MFSD8: variants seen among roughly 807,000 people sequenced by gnomAD.
The protein encoded by MFSD8 is major facilitator superfamily domain containing 8, also known as major facilitator superfamily domain-containing protein 8.
In MFSD8, 55 loss-of-function variants were observed where a neutral mutation model predicts 66.4. The observed-to-expected ratio is 0.83, with a 90% CI of 0.67 to 1.04. The LOEUF is 1.04. MFSD8 is among the 50% of genes least tolerant of loss of function. MFSD8 has a pLI of 0.00. For missense variants in MFSD8, 550 were observed against 627.6 expected (o/e 0.88, Z 1.32); for synonymous variants, 202 against 212.8 (o/e 0.95, Z 0.44).
intron 5 of MFSD8, among the ~76,000 whole-genome samples, chr4:127,941,334 C>T (rs903589824): frequency 6.6e-6 from 1 of 152,084 alleles, no homozygotes; most frequent in African/African-American, 2.4e-5. Flanking sequence ...TGGATTCAAA[C>T]TGATAATATT....
chr4:127,936,674 AT>A (rs1026036805), intron 7 of MFSD8, among the ~76,000 whole-genome samples: 25 of 151,654 alleles, frequency 1.6e-4, no homozygotes, highest in Admixed American at 1.6e-3. Flanking sequence ...TCTGTGTTTT[AT>A]TTTTTATTAT....
chr4:127,952,633 A>C (rs2148954255), intron 2 of MFSD8, among the ~76,000 whole-genome samples: 1 of 152,134 alleles, frequency 6.6e-6, no homozygotes, highest in East Asian at 1.9e-4. Flanking sequence ...ACTTTGGGAG[A>C]CTGCGGCAGG....
rs546327470 is a variant in MFSD8 at position 127,938,580 on chromosome 4, C to T, written c.754+203G>A. Among the ~76,000 whole-genome samples, 109 of 114,050 alleles carry T rather than the reference C, an allele frequency of 9.6e-4. 2 individuals carry two copies. The highest frequency in any genetic ancestry group is 4.3e-4 in the Non-Finnish European group (25 of 57,706). The allele number at this position is 114,050 out of a possible 152,430, so 74.8% of individuals were successfully genotyped here. A position where few individuals can be genotyped will look rare whatever the true frequency, so the allele number is the denominator to read the frequency against. On this transcript the variant is annotated intron_variant, in intron 7 of 11. Coordinates refer to ENST00000641686, the MANE Select transcript of MFSD8 (RefSeq NM_001371596.2). ...CCTGGGCGACAGAGCGAAACTCTGT[C>T]TCAAAAAAAAAAAAATAAATAAATA... is the stretch of plus-strand genomic sequence containing the variant.
intron 2 of MFSD8, among the ~76,000 whole-genome samples, chr4:127,950,986 G>A (rs750003162): frequency 5.9e-5 from 9 of 151,374 alleles, no homozygotes; most frequent in Non-Finnish European, 1.0e-4. Flanking sequence ...GCTTGAACAC[G>A]GAGGCGGAGG....
intron 9 of MFSD8, among the ~76,000 whole-genome samples, chr4:127,923,855 C>T (rs1310225563): frequency 2.0e-5 from 3 of 152,056 alleles, no homozygotes; most frequent in African/African-American, 4.8e-5. Context: ...GCTGAGATTA[C>T]AGGCGTGAGC....
chr4:127,921,672 CA>C lies in MFSD8; in HGVS notation c.1201del (p.Cys401AlafsTer13). 2.5e-6 allele frequency: 4 copies of C among 1,614,150 alleles called. No homozygotes were observed. The highest frequency in any genetic ancestry group is 3.4e-6 in the Non-Finnish European group (4 of 1,180,022). On this transcript the variant is annotated frameshift_variant, in exon 11 of 12. Transcript: ENST00000641686. LOFTEE classifies it high-confidence loss of function. ...GAGGCACCAGGCTTGTTCAATCGAG[CA>C]ACCAGTTGGTCTTTCATTGTCATCT... ...MEDDNERPTG[C>X]SIEQAWCLYT... is the part of the protein sequence containing the mutation.
chr4:127,952,940 TTC>T (rs1021393280), intron 2 of MFSD8, among the ~76,000 whole-genome samples: 23 of 152,154 alleles, frequency 1.5e-4, no homozygotes, highest in African/African-American at 5.6e-4. Context: ...TTGAAATTGT[TTC>T]TTATAATTTT....
intron 2 of MFSD8, 72 bp downstream of exon 2, chr4:127,957,429 T>A (rs1238332587): frequency 9.7e-7 from 1 of 1,028,594 alleles, no homozygotes; most frequent in Non-Finnish European, 1.5e-6. Context: ...GCAATGAAAG[T>A]AAATGAAGTA....
intron 3 of MFSD8, chr4:127,945,634 A>C (rs956259564): frequency 6.6e-6 from 1 of 152,028 alleles, no homozygotes; most frequent in Non-Finnish European, 1.5e-5. Flanking sequence ...TAATTCCCTA[A>C]AGATATTTAA....
chr4:127,951,108 G>T (rs956279362), intron 2 of MFSD8, among the ~76,000 whole-genome samples: 2 of 151,714 alleles, frequency 1.3e-5, no homozygotes, highest in Non-Finnish European at 2.9e-5. Context: ...TAGCTGTTGA[G>T]ATATATAATT....
chr4:127,946,008 A>G lies in MFSD8; in HGVS notation c.199-2016T>C, dbSNP rs547040086. ...TAATCTTGGCTCACTGTAACCTCAAACTCCTTTGCTCAAGAAATCCTCCCA... is the reference window on the plus strand; with the variant it reads ...TAATCTTGGCTCACTGTAACCTCAAGCTCCTTTGCTCAAGAAATCCTCCCA... On this transcript the variant is annotated intron_variant, in intron 3 of 11. Coordinates refer to ENST00000641686, the MANE Select transcript of MFSD8 (RefSeq NM_001371596.2). 2.6e-5 allele frequency among the ~76,000 whole-genome samples: 4 copies of G among 151,752 alleles called. No individual in the cohort carries two copies. The South Asian group carries it at 8.3e-4, about 32-fold the overall frequency.
chr4:127,951,730 AT>A (rs535484160), intron 2 of MFSD8, among the ~76,000 whole-genome samples: 4,336 of 136,060 alleles, frequency 0.032, 95 homozygotes, highest in African/African-American at 0.094. Flanking sequence ...TTCACTTAGT[AT>A]TTTTTTTTTT....
At chr4:127,952,297 G>A (rs1219931429) in intron 2 of MFSD8, among the ~76,000 whole-genome samples, 6 of 151,948 alleles carry the variant, frequency 3.9e-5, no homozygotes, top group East Asian at 2.0e-4. Context: ...CCAGCTACTC[G>A]GGAGGTTGAG....
At chr4:127,933,119 C>A in intron 7 of MFSD8, 26 bp from the exon 8 acceptor site, 1 of 1,529,860 alleles carries the variant, frequency 6.5e-7, no homozygotes, top group South Asian at 1.1e-5. Flanking sequence ...AGAAAAATTA[C>A]ATTACCTATA....
intron 2 of MFSD8, among the ~76,000 whole-genome samples, chr4:127,954,488 C>A (rs972964777): frequency 6.6e-6 from 1 of 152,098 alleles, no homozygotes; most frequent in Admixed American, 6.5e-5. Flanking sequence ...TGGTGGCACA[C>A]ACCTGCAGTC....
intron 1 of MFSD8, among the ~76,000 whole-genome samples, chr4:127,962,583 T>C (rs1743978952): frequency 6.6e-6 from 1 of 150,688 alleles, no homozygotes; most frequent in Non-Finnish European, 1.5e-5. Flanking sequence ...ATATTCATTT[T>C]AATGATCTCA....
chr4:127,950,985 C>T (rs764810392), intron 2 of MFSD8, among the ~76,000 whole-genome samples: 1 of 147,792 alleles, frequency 6.8e-6, no homozygotes, highest in Non-Finnish European at 1.5e-5. Flanking sequence ...TGCTTGAACA[C>T]GGAGGCGGAG....
intron 8 of MFSD8, 72 bp downstream of exon 8, chr4:127,932,913 C>T: frequency 7.4e-7 from 1 of 1,354,500 alleles, no homozygotes; most frequent in Non-Finnish European, 1.0e-6. Flanking sequence ...ATCTATATGC[C>T]TAATTAACAT....
chr4:127,947,218 C>T (rs1173790936), intron 3 of MFSD8, among the ~76,000 whole-genome samples: 2 of 151,936 alleles, frequency 1.3e-5, no homozygotes. Context: ...GCCGAAAACC[C>T]ACTTCTACTA....
Sources: gnomAD v4.1 joint callset for allele counts (sites outside exome capture counted in the v4.1 genomes callset) on GRCh38, gnomAD v4.1.1 for gene constraint, MANE v1.5 for transcripts, NCBI Gene and HGNC (gene_info 2026-07-23, HGNC 2026-07-21) for gene names.